Variants in LMOD1 observed in about 807,000 individuals in gnomAD.
The protein encoded by LMOD1 is leiomodin 1.
In LMOD1, 8 loss-of-function variants were observed where a neutral mutation model predicts 36.5. The observed-to-expected ratio is 0.22, with a 90% CI of 0.13 to 0.40. LMOD1 has a LOEUF of 0.40. Among genes scored for constraint, LMOD1 ranks in the 10% least tolerant of loss-of-function variants. The pLI, the probability that LMOD1 is intolerant of heterozygous loss-of-function variation, is 1.00. For missense variants in LMOD1, 630 were observed against 751.1 expected (o/e 0.84, Z 1.88); for synonymous variants, 284 against 288.7 (o/e 0.98, Z 0.17).
chr1:201,906,596 G>A (rs1041086367), intron 1 of LMOD1, among the ~76,000 whole-genome samples: 2 of 152,252 alleles, frequency 1.3e-5, no homozygotes, highest in Non-Finnish European at 2.9e-5. Context: ...GGTGTGCAGG[G>A]CAGGGCAGGC....
At chr1:201,918,831 A>G (rs1246308375) in intron 1 of LMOD1, among the ~76,000 whole-genome samples, 1 of 152,120 alleles carries the variant, frequency 6.6e-6, no homozygotes, top group Non-Finnish European at 1.5e-5. Flanking sequence ...TTTTGTCACA[A>G]TCTCACATTA....
At chr1:201,937,322 C>A (rs903945849) in intron 1 of LMOD1, among the ~76,000 whole-genome samples, 2 of 151,998 alleles carry the variant, frequency 1.3e-5, no homozygotes, top group Admixed American at 6.6e-5. Flanking sequence ...TGGGACACAC[C>A]TGTAGTCCTA....
chr1:201,915,330 T>C (rs78948338), intron 1 of LMOD1, among the ~76,000 whole-genome samples: 2,066 of 152,266 alleles, frequency 0.014, 54 homozygotes, highest in African/African-American at 0.047. Context: ...TCATCCATTC[T>C]GATGGCATCA....
intron 1 of LMOD1, among the ~76,000 whole-genome samples, chr1:201,924,272 C>G (rs372132878): frequency 6.9e-6 from 1 of 145,266 alleles, no homozygotes; most frequent in Non-Finnish European, 1.5e-5. Context: ...TGCAGTGAGC[C>G]GAGATAGCGC....
intron 1 of LMOD1, among the ~76,000 whole-genome samples, chr1:201,901,502 C>CA (rs533788169): frequency 0.29 from 21,647 of 73,506 alleles, 4,434 homozygotes; most frequent in Non-Finnish European, 0.36. Flanking sequence ...AACTCTGTCT[C>CA]AAAAAAAAAA....
At chr1:201,912,228 T>C (rs928883594) in intron 1 of LMOD1, among the ~76,000 whole-genome samples, 3 of 152,184 alleles carry the variant, frequency 2.0e-5, no homozygotes, top group Admixed American at 6.5e-5. Flanking sequence ...TACTTCCTTA[T>C]ACCCAAGCTT....
chr1:201,927,480 C>T (rs771805436), intron 1 of LMOD1, among the ~76,000 whole-genome samples: 3 of 151,698 alleles, frequency 2.0e-5, no homozygotes, highest in Non-Finnish European at 2.9e-5. Context: ...GCAGGAGAAT[C>T]GCTTGAACCC....
At chr1:201,903,177 G>A (rs1004622828) in intron 1 of LMOD1, among the ~76,000 whole-genome samples, 1 of 152,236 alleles carries the variant, frequency 6.6e-6, no homozygotes. Flanking sequence ...GAGTCCTATG[G>A]AAACGGTTTG....
In LMOD1 at chr1:201,945,328, T is replaced by A. The variant is rs144149133; in HGVS notation, c.261+752A>T. On this transcript the variant is annotated intron_variant, in intron 1 of 2. Transcript: ENST00000367288. The stretch of plus-strand genomic sequence containing the variant: ...TCACCCCTTTTCCCTCCTCTATGAC[T>A]ATCTTCAACCCCCAGCAAAGCGGCC... Among the ~76,000 whole-genome samples the A allele has an allele frequency of 6.1e-3, 928 of 152,304 alleles. 5 individuals carry two copies. Among genetic ancestry groups the A allele is most frequent in the Non-Finnish European group, 9.8e-3 (670 of 68,024 alleles).
chr1:201,928,752 G>T (rs1441093963), intron 1 of LMOD1, among the ~76,000 whole-genome samples: 2 of 152,200 alleles, frequency 1.3e-5, no homozygotes, highest in East Asian at 1.9e-4. Context: ...GTCTCCCTCT[G>T]TTGCCCAGGC....
At chr1:201,916,972 A>G (rs192256899) in intron 1 of LMOD1, among the ~76,000 whole-genome samples, 2 of 152,358 alleles carry the variant, frequency 1.3e-5, no homozygotes, top group Admixed American at 1.3e-4. Context: ...AACCTGGGAA[A>G]AAAAGGGCAT....
At chr1:201,924,459 G>T (rs1425191625) in intron 1 of LMOD1, among the ~76,000 whole-genome samples, 1 of 60,588 alleles carries the variant, frequency 1.7e-5, no homozygotes, top group African/African-American at 6.1e-5. Context: ...GAGGGAGGGA[G>T]GGAAGGAAGG....
At chr1:201,936,096 CAAAAAAAAAAAAA>C (rs61077548) in intron 1 of LMOD1, among the ~76,000 whole-genome samples, 16 of 73,078 alleles carry the variant, frequency 2.2e-4, no homozygotes, top group East Asian at 6.8e-4. Flanking sequence ...GACCTTGTCT[CAAAAAAAAAAAAA>C]AAAAAAAAAA....
intron 1 of LMOD1, among the ~76,000 whole-genome samples, chr1:201,907,289 T>C (rs2102912595): frequency 6.6e-6 from 1 of 152,320 alleles, no homozygotes; most frequent in East Asian, 1.9e-4. Flanking sequence ...GACTGATCCC[T>C]CTGGGGATCC....
chr1:201,920,045 CTTTTTTTTT>C (rs576044641), intron 1 of LMOD1, among the ~76,000 whole-genome samples: 20 of 52,536 alleles, frequency 3.8e-4, no homozygotes, highest in Admixed American at 8.5e-4. Context: ...GGCTCTCTCT[CTTTTTTTTT>C]TTTTTTTTTT....
At chr1:201,910,744 CTTTTTTTTTTTTT>C (rs58506647) in intron 1 of LMOD1, among the ~76,000 whole-genome samples, 10 of 49,070 alleles carry the variant, frequency 2.0e-4, no homozygotes, top group South Asian at 2.2e-3. Flanking sequence ...TGGTGTCATT[CTTTTTTTTTTTTT>C]TTTTTTTTTT....
chr1:201,942,094 G>A (rs747991471), intron 1 of LMOD1, among the ~76,000 whole-genome samples: 81 of 152,326 alleles, frequency 5.3e-4, no homozygotes, highest in African/African-American at 1.9e-3. Flanking sequence ...AGCTACACTG[G>A]CTGACAGGTC....
rs188544021 is a variant in LMOD1 at position 201,932,925 on chromosome 1, C to T, written c.261+13155G>A. On this transcript the variant is annotated intron_variant, in intron 1 of 2. Transcript: ENST00000367288. ...AAAGTTCACTATGCATTCTCTACGA[C>T]GCAGAAATTCCATTCTTAGGTACAT... 1.6e-4 allele frequency among the ~76,000 whole-genome samples: 24 copies of T among 152,164 alleles called. 1 individual carries two copies. The highest frequency in any genetic ancestry group is 3.9e-4 in the African/African-American group (16 of 41,484).
At chr1:201,927,221 C>A (rs989423546) in intron 1 of LMOD1, among the ~76,000 whole-genome samples, 1 of 152,148 alleles carries the variant, frequency 6.6e-6, no homozygotes, top group Non-Finnish European at 1.5e-5. Flanking sequence ...AGAACTTTGA[C>A]CACTGGAACA....
Sources: allele counts gnomAD v4.1 joint callset (sites outside exome capture counted in the v4.1 genomes callset), GRCh38; gene constraint gnomAD v4.1.1; transcripts MANE v1.5; gene names NCBI Gene and HGNC (gene_info 2026-07-23, HGNC 2026-07-21).